PCDHGA1: variants seen among roughly 807,000 people sequenced by gnomAD.
PCDHGA1 encodes the protein protocadherin gamma-A1.
Under a neutral mutation model 58.0 loss-of-function variants are expected in PCDHGA1, and 32 were observed. The ratio of observed to expected loss-of-function variants is 0.55; its 90% CI spans 0.42 to 0.74. PCDHGA1 has a LOEUF of 0.74. Among genes scored for constraint, PCDHGA1 ranks in the 30% least tolerant of loss-of-function variants. PCDHGA1 has a pLI of 0.00. For missense variants in PCDHGA1, 1,205 were observed against 1,182.3 expected, an observed-to-expected ratio of 1.02 and a Z score of -0.28; for synonymous variants, 498 against 501.1, an observed-to-expected ratio of 0.99 and a Z score of 0.08.
intron 1 of PCDHGA1, chr5:141,355,420 C>T: frequency 6.2e-7 from 1 of 1,614,124 alleles, no homozygotes; most frequent in Non-Finnish European, 8.5e-7. Context: ...TAGGACGCAG[C>T]TTTTCGCCCT....
chr5:141,418,157 A>G, intron 1 of PCDHGA1: 1 of 1,614,074 alleles, frequency 6.2e-7, no homozygotes, highest in Non-Finnish European at 8.5e-7. Context: ...CAAAGAGAGA[A>G]GAAGATGTGA....
chr5:141,413,135 T>TGTCC (rs767378713), intron 1 of PCDHGA1: 1 of 1,545,632 alleles, frequency 6.5e-7, no homozygotes, highest in Non-Finnish European at 8.7e-7. Context: ...ACACACAACG[T>TGTCC]GTCCAGTGAG....
intron 1 of PCDHGA1, among the ~76,000 whole-genome samples, chr5:141,358,251 T>C (rs906143895): frequency 8.5e-5 from 13 of 152,228 alleles, no homozygotes; most frequent in Non-Finnish European, 1.5e-4. Flanking sequence ...TAGGTGTTCC[T>C]GAAAAGATAC....
chr5:141,381,416 C>T (rs995030864), intron 1 of PCDHGA1, among the ~76,000 whole-genome samples: 2 of 152,236 alleles, frequency 1.3e-5, no homozygotes, highest in African/African-American at 2.4e-5. Context: ...AGTGGAGAGA[C>T]GAGTACCTCT....
intron 1 of PCDHGA1, among the ~76,000 whole-genome samples, chr5:141,488,600 A>G (rs2099677400): frequency 6.6e-6 from 1 of 152,166 alleles, no homozygotes; most frequent in Admixed American, 6.5e-5. Flanking sequence ...AAGACTTTAC[A>G]AGGTTCTTAC....
intron 1 of PCDHGA1, chr5:141,478,287 G>A (rs777542913): frequency 3.7e-6 from 6 of 1,614,154 alleles, no homozygotes; most frequent in Non-Finnish European, 5.1e-6. Flanking sequence ...AAGCAGTCTA[G>A]AGACCTATAC....
At chr5:141,346,221 G>A in intron 1 of PCDHGA1, 1 of 1,614,218 alleles carries the variant, frequency 6.2e-7, no homozygotes, top group Non-Finnish European at 8.5e-7. Flanking sequence ...GGCTTCGGGA[G>A]GCGGCTTGGC....
chr5:141,456,327 G>C (rs917430790), intron 1 of PCDHGA1, among the ~76,000 whole-genome samples: 1 of 152,186 alleles, frequency 6.6e-6, no homozygotes, highest in African/African-American at 2.4e-5. Flanking sequence ...TCCTGGGGTT[G>C]ATCTAAGGGT....
intron 1 of PCDHGA1, chr5:141,372,504 C>G: frequency 6.2e-7 from 1 of 1,614,052 alleles, no homozygotes; most frequent in South Asian, 1.1e-5. Flanking sequence ...AGTGCTCTTC[C>G]TCCTCGCGGT....
chr5:141,395,097 G>A lies in PCDHGA1; in HGVS notation c.2421+61992G>A, dbSNP rs376460647. The A allele has an allele frequency of 1.3e-5, 21 of 1,614,040 alleles. No homozygotes were observed. Among genetic ancestry groups the A allele is most frequent in the Non-Finnish European group, 1.7e-5 (20 of 1,180,038 alleles). On this transcript the variant is annotated intron_variant, in intron 1 of 3. Coordinates refer to ENST00000517417, the MANE Select transcript of PCDHGA1 (RefSeq NM_018912.3). ...TTCCCAGGAAGTCTCCCTCACCGCC[G>A]ACTCGCGGAAGAGTCACCTGATCTT...
intron 2 of PCDHGA1, among the ~76,000 whole-genome samples, chr5:141,504,008 C>G (rs2099835164): frequency 6.6e-6 from 1 of 152,208 alleles, no homozygotes; most frequent in South Asian, 2.1e-4. Flanking sequence ...ACTTAACTGT[C>G]TCTGCTGGTC....
At chr5:141,388,877 G>A in intron 1 of PCDHGA1, 1 of 1,613,936 alleles carries the variant, frequency 6.2e-7, no homozygotes, top group Non-Finnish European at 8.5e-7. Flanking sequence ...AATGCACAGT[G>A]GAGGTAGAAG....
chr5:141,384,412 G>T lies in PCDHGA1; in HGVS notation c.2421+51307G>T, dbSNP rs776239248. The T allele has an allele frequency of 9.9e-6, 16 of 1,613,894 alleles. 1 individual carries two copies. The Middle Eastern group carries it at 2.3e-3, about 233-fold the overall frequency. ...CCAGGGGGCTCCAGTGTCCTCCTAT[G>T]TCTCCATAAACTCTGACACTGGAGT... On this transcript the variant is annotated intron_variant, in intron 1 of 3. Transcript: ENST00000517417.
At position 141,351,014 on chromosome 5, in the gene PCDHGA1, G is replaced by T. The variant is rs1758618742; in HGVS notation, c.2421+17909G>T. ...ATACAGGGTTAGCCTCCAAGAAAAC[G>T]TACCGTGGGGAACCTCCGTGCTGCG... On this transcript the variant is annotated intron_variant, in intron 1 of 3. Transcript: ENST00000517417. 3 of 1,614,060 alleles carry T rather than the reference G, an allele frequency of 1.9e-6. No homozygotes were observed. In the East Asian group the frequency reaches 6.7e-5, roughly 36 times the overall value.
intron 1 of PCDHGA1, chr5:141,360,390 T>C (rs1484817682): frequency 1.2e-6 from 2 of 1,613,882 alleles, no homozygotes; most frequent in Non-Finnish European, 1.7e-6. Flanking sequence ...GAGACTTACT[T>C]GTGAGTGACA....
At position 141,486,257 on chromosome 5, in the gene PCDHGA1, A is replaced by C; in HGVS notation, c.2422-8550A>C. 6.2e-7 allele frequency: 1 copy of C among 1,614,032 alleles called. No individual in the cohort carries two copies. The highest frequency in any genetic ancestry group is 8.5e-7 in the Non-Finnish European group (1 of 1,179,982). On this transcript the variant is annotated intron_variant, in intron 1 of 3. Transcript: ENST00000517417. The surrounding 1 kb of genome is among the most constrained non-coding windows in gnomAD (Gnocchi z 5.0). ...CTCAGAGCTTGGAACCCTCCCCGAG[A>C]GTGCAGAACCTGGCACTGTGGTGGC... is the stretch of plus-strand genomic sequence containing the variant.
chr5:141,364,386 T>C lies in PCDHGA1; in HGVS notation c.2421+31281T>C, dbSNP rs543592741. 3.8e-6 allele frequency: 6 copies of C among 1,592,054 alleles called. No homozygotes were observed. In the Admixed American group the frequency reaches 8.9e-5, roughly 24 times the overall value. On this transcript the variant is annotated intron_variant, in intron 1 of 3. Transcript: ENST00000517417. ...GGAGAGCTGCTGCTGCCCTTCATGC[T>C]CCTGGGGACGCTGTGCGAGCCAGGA...
intron 1 of PCDHGA1, chr5:141,356,412 G>C (rs775827547): frequency 6.2e-7 from 1 of 1,600,348 alleles, no homozygotes; most frequent in Non-Finnish European, 8.5e-7. Context: ...ATTATCGGTT[G>C]TTGACACACA....
At position 141,344,677 on chromosome 5, in the gene PCDHGA1, C is replaced by T. The variant is rs774704324; in HGVS notation, c.2421+11572C>T. On this transcript the variant is annotated intron_variant, in intron 1 of 3. Coordinates refer to ENST00000517417, the MANE Select transcript of PCDHGA1 (RefSeq NM_018912.3). ...ATTCACCAGCTTGTCCTGGTTGCCT[C>T]TGATGGTGGCGACCCTGTCCACTCT... 11 of 1,614,008 alleles carry T rather than the reference C, an allele frequency of 6.8e-6. No individual in the cohort carries two copies. The Admixed American group carries it at 1.8e-4, about 27-fold the overall frequency.
Sources: allele counts gnomAD v4.1 joint callset (sites outside exome capture counted in the v4.1 genomes callset), GRCh38; gene constraint gnomAD v4.1.1; non-coding constraint Gnocchi (gnomAD v3.1); transcripts MANE v1.5; gene names NCBI Gene and HGNC (gene_info 2026-07-23, HGNC 2026-07-21).